CCAR1: variants seen among roughly 807,000 people sequenced by gnomAD.
CCAR1 encodes cell division cycle and apoptosis regulator protein 1.
Under a neutral mutation model 163.8 loss-of-function variants are expected in CCAR1, and 78 were observed. The ratio of observed to expected loss-of-function variants is 0.48; its 90% CI spans 0.40 to 0.57. The LOEUF (loss-of-function observed/expected upper bound fraction) is 0.57. CCAR1 is among the 20% of genes least tolerant of loss of function. The probability of loss-of-function intolerance (pLI) is 0.00; values close to 1 mark genes in which losing one functional copy is unlikely to be tolerated. For synonymous variants in CCAR1, 443 were observed against 460.7 expected (o/e 0.96, Z 0.49); for missense variants, 1,019 against 1,365.2 (o/e 0.75, Z 4.00).
At chr10:68,732,930 A>G (rs2056060468) in intron 2 of CCAR1, among the ~76,000 whole-genome samples, 1 of 152,146 alleles carries the variant, frequency 6.6e-6, no homozygotes, top group South Asian at 2.1e-4. Flanking sequence ...CTCTGAAAAA[A>G]TAATAATAGA....
At chr10:68,777,981 G>A (rs1231563599) in intron 19 of CCAR1, among the ~76,000 whole-genome samples, 1 of 152,152 alleles carries the variant, frequency 6.6e-6, no homozygotes, top group Non-Finnish European at 1.5e-5. Flanking sequence ...AGTACTTTGG[G>A]AGGCCAAGGC....
intron 17 of CCAR1, among the ~76,000 whole-genome samples, chr10:68,769,244 G>A (rs1439580533): frequency 6.6e-6 from 1 of 152,196 alleles, no homozygotes; most frequent in Admixed American, 6.5e-5. Context: ...GAAGTGCTGG[G>A]ATTACAGGCA....
chr10:68,742,358 G>T lies in CCAR1; in HGVS notation c.325-18G>T, dbSNP rs775662355. ...TTTCAAATCATTACCTTAATTTGAT[G>T]TTGATTTTGTTTTATAGCCAGCTGT... On this transcript the variant is annotated intron_variant, in intron 5 of 24. Transcript: ENST00000265872. 6.4e-7 allele frequency: 1 copy of T among 1,561,860 alleles called. No individual in the cohort carries two copies. The highest frequency in any genetic ancestry group is 1.2e-5 in the South Asian group (1 of 83,774).
intron 15 of CCAR1, among the ~76,000 whole-genome samples, chr10:68,758,670 T>C (rs561985153): frequency 3.9e-4 from 4 of 10,342 alleles, no homozygotes; most frequent in African/African-American, 7.5e-4. Flanking sequence ...TATGTATATA[T>C]ACACACGTGT....
chr10:68,736,827 A>G (rs1278216967), intron 2 of CCAR1, 49 bp from the exon 3 acceptor site: 17 of 1,531,880 alleles, frequency 1.1e-5, no homozygotes, highest in African/African-American at 1.4e-5. Context: ...TATTTTTTAT[A>G]TTCTTCTTAA....
At chr10:68,735,863 T>A (rs1422351980) in intron 2 of CCAR1, 4 of 152,374 alleles carry the variant, frequency 2.6e-5, no homozygotes, top group African/African-American at 9.7e-5. Context: ...TTTTCCTTTT[T>A]TTATTTTTTG....
At chr10:68,769,349 A>C (rs2056572765) in intron 17 of CCAR1, among the ~76,000 whole-genome samples, 1 of 152,112 alleles carries the variant, frequency 6.6e-6, no homozygotes, top group African/African-American at 2.4e-5. Flanking sequence ...GGCTGGGTGC[A>C]GTGGCTCACG....
At chr10:68,757,434 A>C (rs1046334367) in intron 15 of CCAR1, 57 bp downstream of exon 15, 12 of 959,826 alleles carry the variant, frequency 1.3e-5, no homozygotes, top group Non-Finnish European at 2.0e-5. Context: ...GTTCTTTCTG[A>C]GATGGAGTCT....
intron 21 of CCAR1, 142 bp downstream of exon 21, chr10:68,786,834 C>T: frequency 1.5e-6 from 1 of 646,618 alleles, no homozygotes; most frequent in East Asian, 3.3e-5. Flanking sequence ...CCTATAATCC[C>T]AGCAGGTTGG....
intron 19 of CCAR1, among the ~76,000 whole-genome samples, chr10:68,784,908 A>AACATAACT (rs2056778161): frequency 6.7e-6 from 1 of 149,526 alleles, no homozygotes; most frequent in Admixed American, 6.7e-5. Flanking sequence ...TTATAGTGTG[A>AACATAACT]ACATAACTTT....
chr10:68,733,533 T>C (rs112455345), intron 2 of CCAR1, among the ~76,000 whole-genome samples: 2,017 of 152,088 alleles, frequency 0.013, 55 homozygotes, highest in African/African-American at 0.046. Context: ...TTTAAAAATC[T>C]GGTTTTGGCC....
rs2056464808 is a variant in CCAR1 at position 68,761,145 on chromosome 10, AAAG to A, written c.2064_2066del (p.Glu689del). 1 of 1,609,878 alleles carries A rather than the reference AAAG, an allele frequency of 6.2e-7. No individual in the cohort carries two copies. The highest frequency in any genetic ancestry group is 8.5e-7 in the Non-Finnish European group (1 of 1,178,654). On this transcript the variant is annotated inframe_deletion, in exon 16 of 25. Transcript: ENST00000265872. ...ACAGAAGGAGTTAGAGAAATCTGAA[AAAG>A]AAGAGGATGAGGATGATGATAGGAA... is the stretch of plus-strand genomic sequence containing the variant.
intron 10 of CCAR1, among the ~76,000 whole-genome samples, chr10:68,752,725 A>T (rs932007247): frequency 2.0e-5 from 3 of 152,152 alleles, no homozygotes; most frequent in African/African-American, 7.2e-5. Context: ...GAAGTTAGCC[A>T]CATGTGGTAG....
In CCAR1 at chr10:68,766,089, T is replaced by G; in HGVS notation, c.2298+10T>G. On this transcript the variant is annotated intron_variant, in intron 17 of 24. Coordinates refer to ENST00000265872, the MANE Select transcript of CCAR1 (RefSeq NM_018237.4). ...AGAACATTCATTTGAGGTAATGTTTTAAGTTTGAAATAAGATCCATATAAG... is the reference window on the plus strand; with the variant it reads ...AGAACATTCATTTGAGGTAATGTTTGAAGTTTGAAATAAGATCCATATAAG... 6.4e-7 allele frequency: 1 copy of G among 1,563,130 alleles called. No individual in the cohort carries two copies. The highest frequency in any genetic ancestry group is 8.8e-7 in the Non-Finnish European group (1 of 1,134,776).
intron 2 of CCAR1, among the ~76,000 whole-genome samples, chr10:68,729,752 T>G (rs1241963310): frequency 6.6e-6 from 1 of 152,060 alleles, no homozygotes; most frequent in Non-Finnish European, 1.5e-5. Context: ...TTTGAAATTT[T>G]GAATTTTAAA....
chr10:68,752,771 G>T (rs1183654234), intron 10 of CCAR1, among the ~76,000 whole-genome samples: 1 of 152,078 alleles, frequency 6.6e-6, no homozygotes, highest in Non-Finnish European at 1.5e-5. Flanking sequence ...CTTAGAAGCT[G>T]ACATGGAAGG....
At chr10:68,747,684 G>A (rs2056275282) in intron 8 of CCAR1, 118 bp downstream of exon 8, 1 of 827,624 alleles carries the variant, frequency 1.2e-6, no homozygotes, top group African/African-American at 1.7e-5. Context: ...TAAAAATCCT[G>A]AATAGGACAC....
In CCAR1 at chr10:68,786,703, T is replaced by C. The variant is rs749785965; in HGVS notation, c.2880+11T>C. 3.2e-6 allele frequency: 5 copies of C among 1,576,302 alleles called. No individual in the cohort carries two copies. The highest frequency in any genetic ancestry group is 4.3e-6 in the Non-Finnish European group (5 of 1,166,022). On this transcript the variant is annotated intron_variant, in intron 21 of 24. Coordinates refer to ENST00000265872, the MANE Select transcript of CCAR1 (RefSeq NM_018237.4). ...CTTTCTCGGGCTCAGGTAATCTATC[T>C]TGTGAATATTTAAAAGGAAAACATT... is the stretch of plus-strand genomic sequence containing the variant.
chr10:68,748,019 A>G (rs964115276), intron 8 of CCAR1, among the ~76,000 whole-genome samples: 1 of 151,982 alleles, frequency 6.6e-6, no homozygotes, highest in African/African-American at 2.4e-5. Flanking sequence ...ATGCCCGGCA[A>G]ATTTTTGTAT....
Sources: allele counts gnomAD v4.1 joint callset (sites outside exome capture counted in the v4.1 genomes callset), GRCh38; gene constraint gnomAD v4.1.1; transcripts MANE v1.5; gene names NCBI Gene and HGNC (gene_info 2026-07-23, HGNC 2026-07-21).